The following NUMA1 variants were observed in gnomAD, a reference collection of about 807,000 sequenced individuals.
The protein encoded by NUMA1 is nuclear mitotic apparatus protein 1.
NUMA1 carries 62 observed loss-of-function variants against 237.1 expected under a neutral mutation model. The observed-to-expected ratio is 0.26, with a 90% confidence interval of 0.21 to 0.32. The LOEUF (loss-of-function observed/expected upper bound fraction) is 0.32. NUMA1 is among the 10% of genes least tolerant of loss of function. The pLI, the probability that NUMA1 is intolerant of heterozygous loss-of-function variation, is 1.00. For synonymous variants in NUMA1, 1,028 were observed against 1,066.1 expected, an observed-to-expected ratio of 0.96 and a Z score of 0.70; for missense variants, 2,533 against 2,666.5, an observed-to-expected ratio of 0.95 and a Z score of 1.10.
intron 16 of NUMA1, 71 bp from the exon 17 acceptor site, chr11:72,010,925 A>C: frequency 7.4e-7 from 1 of 1,353,648 alleles, no homozygotes; most frequent in Admixed American, 1.7e-5. Context: ...ATGTCCACCC[A>C]TCATGGGGTT....
intron 1 of NUMA1, among the ~76,000 whole-genome samples, chr11:72,076,411 A>C (rs1943710676): frequency 6.6e-6 from 1 of 152,118 alleles, no homozygotes; most frequent in Non-Finnish European, 1.5e-5. Context: ...AAATTCTAGG[A>C]AGCAGACATT....
At chr11:72,021,866 G>A (rs1392584679) in intron 7 of NUMA1, among the ~76,000 whole-genome samples, 2 of 151,934 alleles carry the variant, frequency 1.3e-5, no homozygotes, top group African/African-American at 2.4e-5. Flanking sequence ...CTCCTGTCTC[G>A]GCCTCCCAAA....
intron 2 of NUMA1, among the ~76,000 whole-genome samples, chr11:72,038,325 C>A (rs887956988): frequency 3.3e-5 from 5 of 152,202 alleles, no homozygotes; most frequent in African/African-American, 9.7e-5. Flanking sequence ...TTCCACTGTT[C>A]AAGAAAATGA....
At chr11:72,006,336 A>G in intron 21 of NUMA1, 73 bp from the exon 22 acceptor site, 2 of 1,316,448 alleles carry the variant, frequency 1.5e-6, no homozygotes, top group Non-Finnish European at 1.1e-6. Context: ...TCCCTTCCGA[A>G]GCCCTCAGAT....
At chr11:72,051,800 A>G (rs1942377103) in intron 2 of NUMA1, among the ~76,000 whole-genome samples, 2 of 152,148 alleles carry the variant, frequency 1.3e-5, no homozygotes, top group Admixed American at 1.3e-4. Context: ...TGAGTTTATA[A>G]TCTTGTAGAG....
chr11:72,008,832 T>C lies in NUMA1; in HGVS notation c.5072A>G (p.Asp1691Gly). The change falls in exon 20 of 27, where the codon GAC (aspartate) becomes GGC (glycine). Residue 1691 changes from aspartate (D) to glycine (G), a missense_variant. Around this residue, in one of 3 missense-constraint regions of NUMA1, gnomAD observed 795 missense variants for 750.8 expected, o/e 1.06. Coordinates refer to ENST00000393695, the MANE Select transcript of NUMA1 (RefSeq NM_006185.4). ...RSLEAQVAHA[D>G]QQLRDLGKFQ... ...TTTGCCCAGGTCTCGAAGCTGCTGG[T>C]CTGCATGGGCAACCTGAGAAGGAGA... 3 of 1,614,068 alleles carry C rather than the reference T, an allele frequency of 1.9e-6. No homozygotes were observed. The highest frequency in any genetic ancestry group is 2.5e-6 in the Non-Finnish European group (3 of 1,180,012).
At chr11:72,006,403 C>T in intron 21 of NUMA1, 140 bp from the exon 22 acceptor site, 3 of 679,784 alleles carry the variant, frequency 4.4e-6, no homozygotes, top group South Asian at 4.2e-5. Context: ...AAGTGTGTGT[C>T]TGCAAGAAAT....
Position 72,013,898 on chromosome 11 carries a change from T to C in NUMA1, c.3605A>G (p.His1202Arg). ...LAAFRTKVQD[H>R]SKAEDEWKAQ... ...CTTCCACTCATCTTCAGCCTTGCTG[T>C]GGTCTTGTACCTTGGTGCGGAAGGC... Residue 1202 changes from histidine (H) to arginine (R), a missense_variant, in exon 15 of 27, where the codon CAC (histidine) becomes CGC (arginine). Physicochemically the swap from His to Arg is conservative, Grantham distance 29. This residue lies in a region of NUMA1 where 1,414 missense variants were observed against 1,508.1 expected (regional missense o/e 0.94). Transcript: ENST00000393695. The surrounding 1 kb of genome is among the most constrained non-coding windows in gnomAD (Gnocchi z 6.8). The C allele has an allele frequency of 6.2e-7, 1 of 1,614,020 alleles. No individual in the cohort carries two copies.
chr11:72,003,275 T>G lies in NUMA1; in HGVS notation c.*252A>C. 1.9e-6 allele frequency: 1 copy of G among 532,968 alleles called. No individual in the cohort carries two copies. The highest frequency in any genetic ancestry group is 3.0e-5 in the East Asian group (1 of 32,826). The allele number at this position is 532,968 out of a possible 1,614,324, so 33.0% of individuals were successfully genotyped here. A position where few individuals can be genotyped will look rare whatever the true frequency, so the allele number is the denominator to read the frequency against. On this transcript the variant is annotated 3_prime_UTR_variant, in exon 27 of 27. Transcript: ENST00000393695. Reference sequence around the variant, plus strand: ...GTTGTGATGGAGAAGTGACTTTGCTTTAAGAAAAAAGGAGGCAAGGTAGGG... The same window carrying G: ...GTTGTGATGGAGAAGTGACTTTGCTGTAAGAAAAAAGGAGGCAAGGTAGGG...
intron 2 of NUMA1, among the ~76,000 whole-genome samples, chr11:72,046,917 G>A (rs1352959077): frequency 1.3e-5 from 2 of 151,922 alleles, no homozygotes; most frequent in African/African-American, 2.4e-5. Flanking sequence ...CTGAGATTGC[G>A]CCATTGCACT....
chr11:72,007,865 T>A (rs10736784), intron 20 of NUMA1: 311,217 of 346,108 alleles, frequency 0.9, 140,612 homozygotes, highest in Non-Finnish European at 0.95. Flanking sequence ...CCTGAACAGC[T>A]CCTAACCACA....
At chr11:72,074,063 G>A (rs967459166) in intron 1 of NUMA1, among the ~76,000 whole-genome samples, 8 of 151,960 alleles carry the variant, frequency 5.3e-5, no homozygotes, top group African/African-American at 1.2e-4. Flanking sequence ...GCTTGGTGGC[G>A]CATGCCTGTA....
At chr11:72,044,334 T>C (rs373508936) in intron 2 of NUMA1, among the ~76,000 whole-genome samples, 3 of 152,100 alleles carry the variant, frequency 2.0e-5, no homozygotes, top group Non-Finnish European at 4.4e-5. Flanking sequence ...ATGTAAGGCA[T>C]AGGATGGGTG....
intron 3 of NUMA1, among the ~76,000 whole-genome samples, chr11:72,035,418 T>A (rs202165893): frequency 1.4e-4 from 22 of 151,736 alleles, no homozygotes; most frequent in Admixed American, 3.9e-4. Flanking sequence ...TTTTTTTTTT[T>A]AATTTTTTAG....
intron 8 of NUMA1, chr11:72,020,375 C>T (rs1243454713): frequency 1.3e-5 from 2 of 152,260 alleles, no homozygotes; most frequent in Non-Finnish European, 2.9e-5. Context: ...ACGGCTAGAA[C>T]TCGCCTAGAC....
intron 2 of NUMA1, chr11:72,042,159 A>C (rs1233243767): frequency 6.6e-6 from 1 of 152,258 alleles, no homozygotes; most frequent in Non-Finnish European, 1.5e-5. Flanking sequence ...TGACTCTTAG[A>C]AGACAAAATC....
Position 72,004,786 on chromosome 11 carries a change from C to T in NUMA1, c.5860G>A (p.Glu1954Lys). 1 of 1,592,212 alleles carries T rather than the reference C, an allele frequency of 6.3e-7. No homozygotes were observed. The highest frequency in any genetic ancestry group is 8.5e-7 in the Non-Finnish European group (1 of 1,169,664). The change falls in exon 24 of 27, where the codon GAG becomes AAG. Residue 1954 changes from glutamate (E) to lysine (K), a missense_variant. Glu to Lys is a moderately conservative substitution (Grantham distance 56). Coordinates refer to ENST00000393695, the MANE Select transcript of NUMA1 (RefSeq NM_006185.4). The stretch of plus-strand genomic sequence containing the variant: ...TGGGGGTCTCCAGTTTTCATCTCCT[C>T]ATCTGTGATGGTGCCCAGGCTCAGG... ...PSLSLGTITDEEMKTGDPQET... is the reference protein window; with the variant it reads ...PSLSLGTITDKEMKTGDPQET...
At position 72,043,528 on chromosome 11, in the gene NUMA1, A is replaced by ATTT. The variant is rs34806999; in HGVS notation, c.-32-7556_-32-7554dup. On this transcript the variant is annotated intron_variant, in intron 2 of 26. Coordinates refer to ENST00000393695, the MANE Select transcript of NUMA1 (RefSeq NM_006185.4). ...AGGTGTGTGCCACCATGCCTGGCTA[A>ATTT]TTTTTTTTTTTTTTTTTTTCTGTAG... Among the ~76,000 whole-genome samples the ATTT allele has an allele frequency of 9.7e-5, 12 of 123,122 alleles. 1 individual carries two copies. Among genetic ancestry groups the ATTT allele is most frequent in the Admixed American group, 2.6e-4 (3 of 11,518 alleles). 80.8% of individuals were successfully genotyped at this position (123,122 alleles called of 152,430 possible).
At chr11:72,051,535 A>C (rs1460139903) in intron 2 of NUMA1, among the ~76,000 whole-genome samples, 5 of 151,026 alleles carry the variant, frequency 3.3e-5, no homozygotes, top group African/African-American at 1.2e-4. Context: ...CAGTGGTGCA[A>C]TCTCAGCTCA....
Sources: gnomAD v4.1 joint callset for allele counts (sites outside exome capture counted in the v4.1 genomes callset) on GRCh38, gnomAD v4.1.1 for gene constraint, gnomAD v4.1.1 regional missense constraint, Gnocchi (gnomAD v3.1) non-coding constraint, MANE v1.5 for transcripts, NCBI Gene and HGNC (gene_info 2026-07-23, HGNC 2026-07-21) for gene names.